SULT1E1: variants seen among roughly 807,000 people sequenced by gnomAD.
The protein encoded by SULT1E1 is sulfotransferase 1E1.
In SULT1E1, 36 loss-of-function variants were observed where a neutral mutation model predicts 33.6. The observed-to-expected ratio is 1.07, with a 90% CI of 0.82 to 1.41. The LOEUF (loss-of-function observed/expected upper bound fraction) is 1.41. Among genes scored for constraint, SULT1E1 ranks in the 40% most tolerant of loss-of-function variants. SULT1E1 has a pLI of 0.00. For synonymous variants in SULT1E1, 121 were observed against 111.7 expected, an observed-to-expected ratio of 1.08 and a Z score of -0.53; for missense variants, 371 against 345.7, an observed-to-expected ratio of 1.07 and a Z score of -0.58.
chr4:69,833,562 G>A, the SULT1E1 span, among the ~76,000 whole-genome samples: 1 of 152,158 alleles, frequency 6.6e-6, no homozygotes, highest in Non-Finnish European at 1.5e-5. Context: ...CATGCCAAGA[G>A]GTAAGTTGAG....
the SULT1E1 span, among the ~76,000 whole-genome samples, chr4:69,835,428 T>G: frequency 0.017 from 2,558 of 152,294 alleles, 75 homozygotes; most frequent in African/African-American, 0.059. Flanking sequence ...GAGAATAACT[T>G]GAACTGTTAC....
At chr4:69,837,704 C>T (rs916023901), downstream of SULT1E1, among the ~76,000 whole-genome samples, 4 of 152,052 alleles carry the variant, frequency 2.6e-5, no homozygotes, top group Non-Finnish European at 4.4e-5. Context: ...ACCAGTTATA[C>T]GTAAATAGTA....
chr4:69,845,774 A>G (rs936360823), intron 6 of SULT1E1, among the ~76,000 whole-genome samples: 3 of 151,396 alleles, frequency 2.0e-5, no homozygotes, highest in African/African-American at 7.3e-5. Context: ...GAGTTGGAGT[A>G]ACTATTTAAT....
the SULT1E1 span, among the ~76,000 whole-genome samples, chr4:69,821,523 C>T: frequency 1.3e-5 from 2 of 152,170 alleles, no homozygotes; most frequent in Non-Finnish European, 2.9e-5. Flanking sequence ...TTTGAATATC[C>T]TTTGCTTTTC....
chr4:69,824,928 A>T, the SULT1E1 span, among the ~76,000 whole-genome samples: 3 of 152,292 alleles, frequency 2.0e-5, no homozygotes, highest in African/African-American at 7.2e-5. Context: ...TCTTCACAAT[A>T]AATCTTGCTG....
At chr4:69,843,949 A>T (rs1265154214) in intron 7 of SULT1E1, among the ~76,000 whole-genome samples, 3 of 152,198 alleles carry the variant, frequency 2.0e-5, no homozygotes, top group Admixed American at 1.3e-4. Flanking sequence ...TCTGCTAGTT[A>T]TTTTAACATA....
intron 3 of SULT1E1, among the ~76,000 whole-genome samples, chr4:69,855,063 A>G (rs2110073100): frequency 6.6e-6 from 1 of 152,156 alleles, no homozygotes; most frequent in African/African-American, 2.4e-5. Context: ...ACATATTACT[A>G]AACTCTGCTG....
At chr4:69,826,291 C>T in the SULT1E1 span, among the ~76,000 whole-genome samples, 279 of 152,128 alleles carry the variant, frequency 1.8e-3, 1 homozygote, top group Non-Finnish European at 3.4e-3. Context: ...AACAGGTTTT[C>T]GAGAATGTGT....
the SULT1E1 span, among the ~76,000 whole-genome samples, chr4:69,825,473 A>T: frequency 6.6e-6 from 1 of 152,192 alleles, no homozygotes; most frequent in Non-Finnish European, 1.5e-5. Flanking sequence ...ATTCTGTCCT[A>T]TTTTTCCTTA....
At chr4:69,833,386 T>A in the SULT1E1 span, among the ~76,000 whole-genome samples, 4 of 152,242 alleles carry the variant, frequency 2.6e-5, no homozygotes, top group Non-Finnish European at 5.9e-5. Context: ...GCTTTTGGAA[T>A]ACAATGTAAT....
At chr4:69,852,069 C>A (rs1452162452) in intron 4 of SULT1E1, among the ~76,000 whole-genome samples, 1 of 152,060 alleles carries the variant, frequency 6.6e-6, no homozygotes, top group Non-Finnish European at 1.5e-5. Context: ...CACATGTATA[C>A]ATATGTAACA....
chr4:69,846,228 A>G (rs1015977792), intron 6 of SULT1E1, among the ~76,000 whole-genome samples: 6 of 148,722 alleles, frequency 4.0e-5, no homozygotes, highest in Admixed American at 2.7e-4. Context: ...ATGAAATAGA[A>G]CATTCACAGT....
downstream of SULT1E1, among the ~76,000 whole-genome samples, chr4:69,836,602 G>A (rs746966781): frequency 2.0e-5 from 3 of 152,128 alleles, no homozygotes; most frequent in Non-Finnish European, 4.4e-5. Context: ...AGATTGGTTA[G>A]ATCATTATCT....
the SULT1E1 span, among the ~76,000 whole-genome samples, chr4:69,830,663 A>G: frequency 6.6e-6 from 1 of 152,216 alleles, no homozygotes; most frequent in East Asian, 1.9e-4. Flanking sequence ...ATGCCTGGGC[A>G]TTAACTGTGT....
chr4:69,832,087 A>C, the SULT1E1 span, among the ~76,000 whole-genome samples: 4 of 152,158 alleles, frequency 2.6e-5, no homozygotes, highest in African/African-American at 9.7e-5. Flanking sequence ...TCGGGAGGTG[A>C]TCAAGCTCCT....
intron 6 of SULT1E1, among the ~76,000 whole-genome samples, chr4:69,846,017 G>A (rs972178775): frequency 6.6e-6 from 1 of 150,580 alleles, no homozygotes; most frequent in African/African-American, 2.4e-5. Flanking sequence ...GGATTTTAAA[G>A]GTTATTCAAA....
downstream of SULT1E1, among the ~76,000 whole-genome samples, chr4:69,836,239 C>G (rs1720795151): frequency 6.6e-6 from 1 of 151,954 alleles, no homozygotes; most frequent in African/African-American, 2.4e-5. Context: ...CCATTCAGTC[C>G]CATGTAAAAA....
chr4:69,860,123 A>G lies in SULT1E1; in HGVS notation c.-84T>C, dbSNP rs1367648850. 6.6e-6 allele frequency: 1 copy of G among 152,114 alleles called. No homozygotes were observed. Among genetic ancestry groups the G allele is most frequent in the Non-Finnish European group, 1.5e-5 (1 of 67,990 alleles). 9.4% of individuals were successfully genotyped at this position (152,114 alleles called of 1,614,324 possible). On this transcript the variant is annotated 5_prime_UTR_variant, in exon 1 of 8. Coordinates refer to ENST00000226444, the MANE Select transcript of SULT1E1 (RefSeq NM_005420.3). The stretch of plus-strand genomic sequence containing the variant: ...AATACCAAGGCAGATCTTAAGCTGC[A>G]AAAAAAGATGAGAACCACTTCTGCA...
intron 2 of SULT1E1, 66 bp from the exon 3 acceptor site, chr4:69,855,492 T>C: frequency 6.7e-7 from 1 of 1,497,236 alleles, no homozygotes; most frequent in Non-Finnish European, 8.9e-7. Context: ...TAGTGCTGCA[T>C]TTATGGATGG....
Sources: allele counts gnomAD v4.1 joint callset (sites outside exome capture counted in the v4.1 genomes callset), GRCh38; gene constraint gnomAD v4.1.1; transcripts MANE v1.5; gene names NCBI Gene and HGNC (gene_info 2026-07-23, HGNC 2026-07-21).